The following EPPK1 variants were observed in gnomAD, a reference collection of about 807,000 sequenced individuals.
The protein encoded by EPPK1 is epiplakin 1, also known as epiplakin.
For synonymous variants in EPPK1, 1,862 were observed against 1,721.2 expected, an observed-to-expected ratio of 1.08 and a Z score of -2.03; for missense variants, 3,823 against 3,673.3, an observed-to-expected ratio of 1.04 and a Z score of -1.05.
chr8:143,878,548 C>CGCGGGGCGGG (rs367956335), upstream of EPPK1: 5 of 148,962 alleles, frequency 3.4e-5, no homozygotes, highest in Non-Finnish European at 4.5e-5. Flanking sequence ...GGGGCCCCGA[C>CGCGGGGCGGG]GCGGGGCGGG....
rs1425799132 is a variant in EPPK1 at position 143,866,329 on chromosome 8, C to T, written c.6925G>A (p.Gly2309Ser). Reference sequence around the variant, plus strand: ...TGCCCGGTGTAGGGGTCGGTGTAGCCGGTGACGGCGCGCTCGGCCGACAGC... The same window carrying T: ...TGCCCGGTGTAGGGGTCGGTGTAGCTGGTGACGGCGCGCTCGGCCGACAGC... ...KLLSAERAVT[G>S]YTDPYTGQQI... is the part of the protein sequence containing the mutation. Residue 2309 changes from glycine to serine, a missense_variant, in exon 2 of 2, where the codon GGC becomes AGC. Transcript: ENST00000615648. The T allele has an allele frequency of 9.5e-5, 54 of 565,518 alleles. No homozygotes were observed. The highest frequency in any genetic ancestry group is 4.4e-4 in the Middle Eastern group (1 of 2,256). 35.0% of individuals were successfully genotyped at this position (565,518 alleles called of 1,614,324 possible). A position where few individuals can be genotyped will look rare whatever the true frequency, so the allele number is the denominator to read the frequency against.
In EPPK1 at chr8:143,866,875, T is replaced by G. The variant is rs782525735; in HGVS notation, c.6379A>C (p.Asn2127His). 3.7e-6 allele frequency: 6 copies of G among 1,613,118 alleles called. No individual in the cohort carries two copies. The Admixed American group carries it at 1.0e-4, about 27-fold the overall frequency. The change falls in exon 2 of 2, where the codon AAT becomes CAT. Residue 2127 changes from asparagine to histidine, a missense_variant. Transcript: ENST00000615648. ...TTCTCCTCTGTCACGTATTCGGAATTCAGTAGTGCCCACAGTGTTGGTTTC... is the reference window on the plus strand; with the variant it reads ...TTCTCCTCTGTCACGTATTCGGAATGCAGTAGTGCCCACAGTGTTGGTTTC... ...GQKPTLWALL[N>H]SEYVTEEKKL...
chr8:143,870,558 T>C lies in EPPK1; in HGVS notation c.2696A>G (p.Asp899Gly). Residue 899 changes from aspartate (D) to glycine (G), a missense_variant, in exon 2 of 2, where the codon GAC becomes GGC. Coordinates refer to ENST00000615648, the MANE Select transcript of EPPK1 (RefSeq NM_031308.4). The surrounding 1 kb of genome is among the most constrained non-coding windows in gnomAD (Gnocchi z 5.2). Reference sequence around the variant, plus strand: ...CAGCACTTGGTCCAACAGCTGCTGGTCAATGATACCGGCCTCCAGGAGCTG... The same window carrying C: ...CAGCACTTGGTCCAACAGCTGCTGGCCAATGATACCGGCCTCCAGGAGCTG... ...VHQLLEAGII[D>G]QQLLDQVLAG... 2 of 1,611,788 alleles carry C rather than the reference T, an allele frequency of 1.2e-6. No individual in the cohort carries two copies. Among genetic ancestry groups the C allele is most frequent in the Non-Finnish European group, 1.7e-6 (2 of 1,179,496 alleles).
intron 1 of EPPK1, 64 bp downstream of exon 1, chr8:143,878,374 T>C (rs1456282187): frequency 3.0e-4 from 28 of 92,290 alleles, no homozygotes; most frequent in East Asian, 7.4e-4. Context: ...CCGCCGCACC[T>C]GCCCGCACCC....
In EPPK1 at chr8:143,870,333, A is replaced by T; in HGVS notation, c.2921T>A (p.Met974Lys). ...GAGGCTCTCTGGGCTGTGAGGGTCC[A>T]TGATGGTTCCGGTGGCCGCCTGGGC... The part of the protein sequence containing the change: ...LEAQAATGTI[M>K]DPHSPESLSV... Residue 974 changes from methionine to lysine, a missense_variant, in exon 2 of 2, where the codon ATG becomes AAG. Physicochemically the swap from Met to Lys is moderately conservative, Grantham distance 95 (BLOSUM62 -1). Coordinates refer to ENST00000615648, the MANE Select transcript of EPPK1 (RefSeq NM_031308.4). The surrounding 1 kb of genome is among the most constrained non-coding windows in gnomAD (Gnocchi z 5.2). 1.3e-6 allele frequency: 2 copies of T among 1,562,452 alleles called. No individual in the cohort carries two copies. Among genetic ancestry groups the T allele is most frequent in the Non-Finnish European group, 1.7e-6 (2 of 1,159,588 alleles).
At chr8:143,874,049 G>GC (rs1563889955) in intron 1 of EPPK1, among the ~76,000 whole-genome samples, 2 of 152,322 alleles carry the variant, frequency 1.3e-5, no homozygotes, top group South Asian at 4.1e-4. Flanking sequence ...CCCACACCCT[G>GC]CCCCGGGGGC....
intron 1 of EPPK1, among the ~76,000 whole-genome samples, chr8:143,876,378 C>T (rs1819478362): frequency 6.6e-6 from 1 of 152,310 alleles, no homozygotes; most frequent in East Asian, 1.9e-4. Context: ...GGGCCAGGTC[C>T]ACCCTGCAAA....
rs12681478 is a variant in EPPK1 at position 143,867,251 on chromosome 8, C to G, written c.6003G>C (p.Ala2001=). 6.2e-7 allele frequency: 1 copy of G among 1,612,088 alleles called. No individual in the cohort carries two copies. The highest frequency in any genetic ancestry group is 8.5e-7 in the Non-Finnish European group (1 of 1,179,522). Residue 2001 remains alanine (A), a synonymous_variant, in exon 2 of 2, where the codon GCG becomes GCC. Transcript: ENST00000615648. The part of the protein sequence containing the change: ...QAMQKQLIEK[A]EALRLLEVQV... ...GCACCTCCAGCAGCCTCAGTGCCTC[C>G]GCCTTCTCGATGAGCTGCTTCTGCA...
chr8:143,871,928 C>G lies in EPPK1; in HGVS notation c.1326G>C (p.Thr442=). 6.2e-7 allele frequency: 1 copy of G among 1,603,770 alleles called. No individual in the cohort carries two copies. Among genetic ancestry groups the G allele is most frequent in the Non-Finnish European group, 8.5e-7 (1 of 1,179,160 alleles). ...GCTGTTCATAGCGCAGGCCGCCGTG[C>G]GTGCCGTCTGAGAAGCTGCCAGCCT... ...LSQAGSFSDG[T]HGGLRYEQLL... Residue 442 remains threonine (T), a synonymous_variant, in exon 2 of 2, where the codon ACG becomes ACC. Transcript: ENST00000615648.
chr8:143,866,631 T>G lies in EPPK1; in HGVS notation c.6623A>C (p.Gln2208Pro), dbSNP rs1563878559. The G allele has an allele frequency of 6.2e-7, 1 of 1,612,974 alleles. No homozygotes were observed. Among genetic ancestry groups the G allele is most frequent in the Non-Finnish European group, 8.5e-7 (1 of 1,179,864 alleles). The change falls in exon 2 of 2, where the codon CAA (glutamine) becomes CCA (proline). Residue 2208 changes from glutamine (Q) to proline (P), a missense_variant. By Grantham distance (76) the Gln-to-Pro change is moderately conservative. Transcript: ENST00000615648. ...QDLETGRSTTQELMEDDRVKR... is the reference protein window; with the variant it reads ...QDLETGRSTTPELMEDDRVKR... ...GACGCGGTCGTCCTCCATGAGCTCT[T>G]GCGTCGTGCTCCGTCCCGTTTCCAG...
rs782417603 is a variant in EPPK1 at position 143,858,044 on chromosome 8, C to A, written c.15210G>T (p.Gln5070His). 2.5e-6 allele frequency: 4 copies of A among 1,613,262 alleles called. No individual in the cohort carries two copies. In the Admixed American group the frequency reaches 6.7e-5, roughly 27 times the overall value. Reference protein sequence around the residue: ...HENLTYLQLLQRATLDPETGL... With the variant: ...HENLTYLQLLHRATLDPETGL... ...CCGTCTCAGGGTCCAGGGTGGCCCT[C>A]TGCAGAAGCTGCAGGTACGTGAGGT... is the stretch of plus-strand genomic sequence containing the variant. The change falls in exon 2 of 2, where the codon CAG becomes CAT. Residue 5070 changes from glutamine (Q) to histidine (H), a missense_variant. Physicochemically the swap from Gln to His is conservative, Grantham distance 24. Transcript: ENST00000615648.
At position 143,872,381 on chromosome 8, in the gene EPPK1, G is replaced by A. The variant is rs782086748; in HGVS notation, c.873C>T (p.Val291=). The A allele has an allele frequency of 6.2e-7, 1 of 1,604,004 alleles. No individual in the cohort carries two copies. Among genetic ancestry groups the A allele is most frequent in the South Asian group, 1.1e-5 (1 of 91,026 alleles). The stretch of plus-strand genomic sequence containing the variant: ...TCTTCTTGTGGCCTTCGGGCAGCAG[G>A]ACAACCCCGGCCACGCTGCCGGTAC... ...LEGTGSVAGV[V]LLPEGHKKSF... is the part of the protein sequence containing the mutation. Residue 291 remains valine (V), a synonymous_variant, in exon 2 of 2, where the codon GTC becomes GTT. Transcript: ENST00000615648.
Position 143,868,256 on chromosome 8 carries a change from G to A in EPPK1, c.4998C>T (p.Ala1666=), listed in dbSNP as rs1819208437. 1.2e-6 allele frequency: 2 copies of A among 1,613,242 alleles called. No homozygotes were observed. Among genetic ancestry groups the A allele is most frequent in the Non-Finnish European group, 8.5e-7 (1 of 1,180,030 alleles). ...CCCGGACGATGAGGTCCTTCTGCAT[G>A]GCCTGGAAGAGGGAGATCTGCTGCC... The part of the protein sequence containing the change: ...YTGQQISLFQ[A]MQKDLIVREH... The change falls in exon 2 of 2, where the codon GCC becomes GCT. Residue 1666 remains alanine, a synonymous_variant. Coordinates refer to ENST00000615648, the MANE Select transcript of EPPK1 (RefSeq NM_031308.4).
Position 143,870,072 on chromosome 8 carries a change from G to A in EPPK1, c.3182C>T (p.Pro1061Leu). The A allele has an allele frequency of 6.2e-7, 1 of 1,610,520 alleles. No homozygotes were observed. The highest frequency in any genetic ancestry group is 1.7e-4 in the Middle Eastern group (1 of 6,056). Residue 1061 changes from proline to leucine, a missense_variant, in exon 2 of 2, where the codon CCA (proline) becomes CTA (leucine). Transcript: ENST00000615648. This position sits in a 1 kb window ranked among gnomAD's most constrained non-coding sequence, Gnocchi z 5.2. ...DPTSHHHLPM[P>L]VAIQRGYVDQ... ...AACATAGCCACGCTGAATGGCCACT[G>A]GCATGGGGAGGTGGTGGTGGCTGGT...
chr8:143,867,755 CGTG>C lies in EPPK1; in HGVS notation c.5496_5498del (p.Thr1834del), dbSNP rs1563880945. 6 of 1,613,732 alleles carry C rather than the reference CGTG, an allele frequency of 3.7e-6. No individual in the cohort carries two copies. The highest frequency in any genetic ancestry group is 2.5e-6 in the Non-Finnish European group (3 of 1,179,872). On this transcript the variant is annotated inframe_deletion, in exon 2 of 2. Transcript: ENST00000615648. ...TTTGCGTCTCTGTTTCTTCAATTGT[CGTG>C]GTGATGATTTCCAGCAATTTCTCCA...
At chr8:143,876,654 C>T (rs1319552472) in intron 1 of EPPK1, among the ~76,000 whole-genome samples, 1 of 152,256 alleles carries the variant, frequency 6.6e-6, no homozygotes, top group Non-Finnish European at 1.5e-5. Flanking sequence ...ACCTGCCTCC[C>T]CTAGGGCTGG....
Position 143,869,311 on chromosome 8 carries a change from C to T in EPPK1, c.3943G>A (p.Glu1315Lys). The T allele has an allele frequency of 6.2e-7, 1 of 1,605,286 alleles. No homozygotes were observed. Among genetic ancestry groups the T allele is most frequent in the Non-Finnish European group, 8.5e-7 (1 of 1,175,604 alleles). Reference sequence around the variant, plus strand: ...GCCCTCTCGGCCTGCCCGAGCTGCTCACTCAGCTCCCTGCCCACCAGGCCG... The same window carrying T: ...GCCCTCTCGGCCTGCCCGAGCTGCTTACTCAGCTCCCTGCCCACCAGGCCG... The part of the protein sequence containing the change: ...KVGLVGRELS[E>K]QLGQAERAAA... The change falls in exon 2 of 2, where the codon GAG becomes AAG. Residue 1315 changes from glutamate to lysine, a missense_variant. Transcript: ENST00000615648.
At position 143,871,733 on chromosome 8, in the gene EPPK1, G is replaced by A. The variant is rs781925494; in HGVS notation, c.1521C>T (p.Pro507=). The A allele has an allele frequency of 5.6e-6, 9 of 1,609,224 alleles. No individual in the cohort carries two copies. The highest frequency in any genetic ancestry group is 3.3e-5 in the South Asian group (3 of 90,830). ...AGAAGAGCAGCTCCCAGAGGGACACGGGCCGGCCCCGGAACTTCCCCACAG... is the reference window on the plus strand; with the variant it reads ...AGAAGAGCAGCTCCCAGAGGGACACAGGCCGGCCCCGGAACTTCCCCACAG... ...TVSVGKFRGR[P]VSLWELLFSE... is the part of the protein sequence containing the mutation. Residue 507 remains proline, a synonymous_variant, in exon 2 of 2, where the codon CCC becomes CCT. Transcript: ENST00000615648.
chr8:143,869,168 T>G lies in EPPK1; in HGVS notation c.4086A>C (p.Thr1362=), dbSNP rs375068201. Residue 1362 remains threonine (T), a synonymous_variant, in exon 2 of 2, where the codon ACA becomes ACC. Coordinates refer to ENST00000615648, the MANE Select transcript of EPPK1 (RefSeq NM_031308.4). ...CGTGGACAGGGTCCACCACACCCCC[T>G]GTGGCCAGCTGCACCTGCAGGAGGG... ...GLPLLQVQLA[T]GGVVDPVHGV... is the part of the protein sequence containing the mutation. 5.6e-6 allele frequency: 9 copies of G among 1,607,844 alleles called. No homozygotes were observed. Among genetic ancestry groups the G allele is most frequent in the Admixed American group, 5.0e-5 (3 of 59,812 alleles).
Sources: allele counts gnomAD v4.1 joint callset (sites outside exome capture counted in the v4.1 genomes callset), GRCh38; gene constraint gnomAD v4.1.1; non-coding constraint Gnocchi (gnomAD v3.1); transcripts MANE v1.5; gene names NCBI Gene and HGNC (gene_info 2026-07-23, HGNC 2026-07-21).